The following LRBA variants were observed in gnomAD, a reference collection of about 807,000 sequenced individuals.
The protein encoded by LRBA is LPS responsive beige-like anchor protein, also known as lipopolysaccharide-responsive and beige-like anchor protein.
LRBA carries 176 observed loss-of-function variants against 330.0 expected under a neutral mutation model. That is an observed-to-expected ratio of 0.53 (90% CI 0.47 to 0.60). The LOEUF (loss-of-function observed/expected upper bound fraction) is 0.60. Ranked by LOEUF, LRBA falls within the 20% of genes least tolerant of loss-of-function variation. The pLI, the probability that LRBA is intolerant of heterozygous loss-of-function variation, is 0.00. For synonymous variants in LRBA, 1,230 were observed against 1,193.0 expected (o/e 1.03, Z -0.64); for missense variants, 3,259 against 3,444.8 (o/e 0.95, Z 1.35).
intron 36 of LRBA, 99 bp downstream of exon 36, chr4:150,735,159 T>C (rs937954285): frequency 1.2e-6 from 1 of 857,976 alleles, no homozygotes; most frequent in African/African-American, 1.7e-5. Flanking sequence ...TGATGACATA[T>C]ACTATGTTTC....
intron 46 of LRBA, among the ~76,000 whole-genome samples, chr4:150,420,027 A>T (rs1748415745): frequency 6.6e-6 from 1 of 150,720 alleles, no homozygotes; most frequent in Admixed American, 6.6e-5. Context: ...GCTTGTTTCC[A>T]GGAGTTCAAG....
intron 40 of LRBA, among the ~76,000 whole-genome samples, chr4:150,568,450 A>G (rs553802091): frequency 1.3e-5 from 2 of 152,038 alleles, no homozygotes; most frequent in East Asian, 3.9e-4. Context: ...CCCTTCTTTT[A>G]TTCCCTCCTT....
At chr4:150,273,774 T>C (rs969563991) in intron 56 of LRBA, among the ~76,000 whole-genome samples, 2 of 152,096 alleles carry the variant, frequency 1.3e-5, no homozygotes, top group African/African-American at 2.4e-5. Context: ...CCTAAATATA[T>C]ATGCACCCAA....
At chr4:150,836,740 AAC>A (rs1261182741) in intron 28 of LRBA, among the ~76,000 whole-genome samples, 2 of 152,158 alleles carry the variant, frequency 1.3e-5, no homozygotes, top group Admixed American at 1.3e-4. Flanking sequence ...CTTTCCAAAA[AAC>A]CAGCTCCTGG....
At chr4:150,302,855 A>G (rs998372790) in intron 52 of LRBA, 63 bp from the exon 53 acceptor site, 1 of 1,255,420 alleles carries the variant, frequency 8.0e-7, no homozygotes. Flanking sequence ...TAGTGAACAG[A>G]TAACTTGTAA....
chr4:150,886,025 C>G (rs1012003069), intron 17 of LRBA, among the ~76,000 whole-genome samples: 2 of 151,760 alleles, frequency 1.3e-5, no homozygotes, highest in Non-Finnish European at 2.9e-5. Context: ...CTAAAATCAA[C>G]AGGGGAATTT....
chr4:150,804,261 T>G (rs1742217923), intron 33 of LRBA, among the ~76,000 whole-genome samples: 1 of 152,214 alleles, frequency 6.6e-6, no homozygotes, highest in Admixed American at 6.5e-5. Flanking sequence ...ACTTAAGTAC[T>G]TCTAAAATCT....
intron 40 of LRBA, among the ~76,000 whole-genome samples, chr4:150,586,708 A>C (rs1772159213): frequency 6.6e-6 from 1 of 152,186 alleles, no homozygotes; most frequent in Non-Finnish European, 1.5e-5. Flanking sequence ...GGAGCAAATA[A>C]CTTCAAAGAA....
intron 35 of LRBA, among the ~76,000 whole-genome samples, chr4:150,737,645 AAG>A (rs1253411271): frequency 6.6e-6 from 1 of 152,156 alleles, no homozygotes; most frequent in Non-Finnish European, 1.5e-5. Context: ...GGAAAAAAAA[AAG>A]AGTATTTTTC....
At chr4:150,927,141 A>G (rs1443174748) in intron 4 of LRBA, among the ~76,000 whole-genome samples, 1 of 151,838 alleles carries the variant, frequency 6.6e-6, no homozygotes, top group Admixed American at 6.6e-5. Flanking sequence ...CTGGGAGGCC[A>G]AGGCGGGCAG....
chr4:150,852,209 A>C lies in LRBA; in HGVS notation c.3501T>G (p.Thr1167=), dbSNP rs751699337. ...CTTTAGAATCTTGAGTTTCAGTATC[A>C]GTTTGCTTTTCAGTAACAGGTTTTC... ...QEGKPVTEKQ[T]DTETQDSKDS... Residue 1167 remains threonine (T), a synonymous_variant, in exon 23 of 57, where the codon ACT becomes ACG. Transcript: ENST00000651943. 3.1e-6 allele frequency: 5 copies of C among 1,614,012 alleles called. No individual in the cohort carries two copies. The highest frequency in any genetic ancestry group is 4.2e-6 in the Non-Finnish European group (5 of 1,180,014).
At chr4:150,989,657 AAAGAAAATT>A (rs1741852946) in intron 2 of LRBA, among the ~76,000 whole-genome samples, 1 of 152,152 alleles carries the variant, frequency 6.6e-6, no homozygotes, top group African/African-American at 2.4e-5. Flanking sequence ...ATTTTACATA[AAAGAAAATT>A]AAGAATCAAG....
rs1485012908 is a variant in LRBA, at chr4:150,929,064, A to C, written c.218T>G (p.Leu73Trp). ...TTCCAGATCAAACTGTCCTCCTACC[A>C]ACTTACAAGGAAAAAAAAAAAACAC... is the stretch of plus-strand genomic sequence containing the variant. ...RDIVETVFNL[L>W]VGGQFDLEMN... Residue 73 changes from leucine (L) to tryptophan (W), a missense_variant and splice_region_variant, in exon 3 of 57, where the codon TTG becomes TGG. Transcript: ENST00000651943. 1 of 1,600,200 alleles carries C rather than the reference A, an allele frequency of 6.2e-7. No individual in the cohort carries two copies.
intron 40 of LRBA, among the ~76,000 whole-genome samples, chr4:150,532,462 G>T (rs1249755099): frequency 1.3e-5 from 2 of 151,488 alleles, no homozygotes; most frequent in African/African-American, 2.4e-5. Flanking sequence ...TTTTATTAGG[G>T]TATAATAATA....
chr4:150,317,265 C>A (rs1472820105), intron 50 of LRBA, among the ~76,000 whole-genome samples: 2 of 152,070 alleles, frequency 1.3e-5, no homozygotes, highest in African/African-American at 4.8e-5. Flanking sequence ...TTTAGGAAAT[C>A]TATCTGTCTT....
intron 47 of LRBA, among the ~76,000 whole-genome samples, chr4:150,368,931 G>A (rs1262228727): frequency 6.6e-6 from 1 of 152,166 alleles, no homozygotes; most frequent in East Asian, 1.9e-4. Context: ...AAACTGTTTG[G>A]AGTGTTCAAA....
At chr4:150,598,787 T>C (rs1409981186) in intron 38 of LRBA, among the ~76,000 whole-genome samples, 2 of 152,210 alleles carry the variant, frequency 1.3e-5, no homozygotes, top group Admixed American at 6.5e-5. Context: ...CTATGTTAAG[T>C]AAGTTTTGTA....
chr4:150,859,113 A>T (rs1454778087), intron 22 of LRBA, among the ~76,000 whole-genome samples: 5 of 152,194 alleles, frequency 3.3e-5, no homozygotes, highest in Non-Finnish European at 1.5e-5. Context: ...ATCAGTAAAC[A>T]GCAAGTAAAA....
chr4:150,817,915 T>G (rs920072795), intron 30 of LRBA, among the ~76,000 whole-genome samples: 2 of 152,078 alleles, frequency 1.3e-5, no homozygotes, highest in African/African-American at 4.8e-5. Flanking sequence ...AAAAGGCATT[T>G]TTAATTGAAG....
Sources: gnomAD v4.1 joint callset for allele counts (sites outside exome capture counted in the v4.1 genomes callset) on GRCh38, gnomAD v4.1.1 for gene constraint, MANE v1.5 for transcripts, NCBI Gene and HGNC (gene_info 2026-07-23, HGNC 2026-07-21) for gene names.